C19orf25: variants seen among roughly 807,000 people sequenced by gnomAD.
C19orf25 encodes chromosome 19 open reading frame 25, also known as UPF0449 protein C19orf25.
A neutral mutation model predicts 3.1 loss-of-function variants in C19orf25; 1 was observed. The observed-to-expected ratio is 0.32, with a 90% CI of 0.12 to 1.54. The LOEUF (loss-of-function observed/expected upper bound fraction) is 1.54, where lower values mean the gene tolerates loss of function less well. Ranked by LOEUF, C19orf25 falls within the 40% of genes most tolerant of loss-of-function variation. The pLI is 0.38. For synonymous variants in C19orf25, 91 were observed against 74.3 expected (o/e 1.23, Z -1.16); for missense variants, 196 against 160.4 (o/e 1.22, Z -1.20).
chr19:1,474,561 T>A lies in C19orf25; in HGVS notation c.*471A>T. On this transcript the variant is annotated 3_prime_UTR_variant, in exon 3 of 3. Transcript: ENST00000585675. ...GAGGAGCCCGGGGCCCAGAAGGAAGTGGGGTCAGGGGCTCAGGCTGGCCCT... is the reference window on the plus strand; with the variant it reads ...GAGGAGCCCGGGGCCCAGAAGGAAGAGGGGTCAGGGGCTCAGGCTGGCCCT... 2.6e-6 allele frequency: 1 copy of A among 379,368 alleles called. No individual in the cohort carries two copies. Among genetic ancestry groups the A allele is most frequent in the Non-Finnish European group, 4.7e-6 (1 of 212,366 alleles). 23.5% of individuals were successfully genotyped at this position (379,368 alleles called of 1,614,324 possible). A position where few individuals can be genotyped will look rare whatever the true frequency, so the allele number is the denominator to read the frequency against.
chr19:1,478,819 C>G lies in C19orf25; in HGVS notation c.85G>C (p.Gly29Arg). The G allele has an allele frequency of 6.3e-7, 1 of 1,590,904 alleles. No homozygotes were observed. Among genetic ancestry groups the G allele is most frequent in the South Asian group, 1.1e-5 (1 of 87,262 alleles). The stretch of plus-strand genomic sequence containing the variant: ...AACACTGGATCCTCTGCCGGCGCAC[C>G]CCGCACATCCTCCAGGATCTGCTCC... ...TVEQILEDVR[G>R]APAEDPVFTI... is the part of the protein sequence containing the mutation. Residue 29 changes from glycine (G) to arginine (R), a missense_variant, in exon 2 of 3, where the codon GGT becomes CGT. Physicochemically the swap from Gly to Arg is moderately radical, Grantham distance 125 (BLOSUM62 -2). Coordinates refer to ENST00000585675, the MANE Select transcript of C19orf25 (RefSeq NM_152482.3).
At chr19:1,477,493 A>G (rs1425719128) in intron 2 of C19orf25, among the ~76,000 whole-genome samples, 1 of 152,236 alleles carries the variant, frequency 6.6e-6, no homozygotes, top group Admixed American at 6.5e-5. Context: ...TGCACTGCTG[A>G]ATCCTTTGGT....
intron 2 of C19orf25, 152 bp from the exon 3 acceptor site, chr19:1,475,410 G>C: frequency 1.3e-6 from 1 of 751,108 alleles, no homozygotes; most frequent in Non-Finnish European, 2.1e-6. Flanking sequence ...AGCCAGGTGT[G>C]GTGGCTCACG....
chr19:1,479,186 A>G lies in C19orf25; in HGVS notation c.-26T>C, dbSNP rs2145293812. The G allele has an allele frequency of 2.4e-6, 3 of 1,271,994 alleles. No individual in the cohort carries two copies. Among genetic ancestry groups the G allele is most frequent in the South Asian group, 4.8e-5 (2 of 41,730 alleles). 78.8% of individuals were successfully genotyped at this position (1,271,994 alleles called of 1,614,324 possible). ...ACCTGGGCGCGGGACCCGAAAGCCC[A>G]GCGTCGACGACGCAGCCACTTCCGA... On this transcript the variant is annotated 5_prime_UTR_variant, in exon 1 of 3. Coordinates refer to ENST00000585675, the MANE Select transcript of C19orf25 (RefSeq NM_152482.3).
intron 2 of C19orf25, chr19:1,478,440 G>GT (rs1239257700): frequency 1.9e-6 from 1 of 539,314 alleles, no homozygotes; most frequent in Non-Finnish European, 2.8e-6. Flanking sequence ...TTTTTGTTTT[G>GT]TTTTTTCATT....
In C19orf25 at chr19:1,478,834, G is replaced by A; in HGVS notation, c.70C>T (p.Leu24=). 6.3e-7 allele frequency: 1 copy of A among 1,596,658 alleles called. No homozygotes were observed. Among genetic ancestry groups the A allele is most frequent in the South Asian group, 1.1e-5 (1 of 87,940 alleles). Residue 24 remains leucine, a synonymous_variant, in exon 2 of 3, where the codon CTG becomes TTG. Transcript: ENST00000585675. The part of the protein sequence containing the change: ...RPAPPTVEQI[L]EDVRGAPAED... ...GCCGGCGCACCCCGCACATCCTCCA[G>A]GATCTGCTCCACCGTGGGGGGCGCT... is the stretch of plus-strand genomic sequence containing the variant.
rs549355716 is a variant in C19orf25, at chr19:1,474,974, G to A, written c.*58C>T. 6.5e-7 allele frequency: 1 copy of A among 1,534,840 alleles called. No individual in the cohort carries two copies. Among genetic ancestry groups the A allele is most frequent in the Non-Finnish European group, 8.7e-7 (1 of 1,143,350 alleles). ...CCAGTCTGGGGCCGACGGACCCCCA[G>A]GGAAAGCCTGGGTGCAGGCCACCTT... On this transcript the variant is annotated 3_prime_UTR_variant, in exon 3 of 3. Transcript: ENST00000585675.
At chr19:1,475,279 A>G in intron 2 of C19orf25, 21 bp from the exon 3 acceptor site, 1 of 1,527,622 alleles carries the variant, frequency 6.5e-7, no homozygotes, top group South Asian at 1.2e-5. Flanking sequence ...ACACAGCAGC[A>G]TCACTGCCTG....
At chr19:1,478,523 C>T in intron 2 of C19orf25, 1 of 1,207,050 alleles carries the variant, frequency 8.3e-7, no homozygotes, top group South Asian at 2.3e-5. Context: ...ATCCTCCCGC[C>T]TCATCCTCCG....
At chr19:1,477,686 C>T (rs1317375520) in intron 2 of C19orf25, among the ~76,000 whole-genome samples, 1 of 152,136 alleles carries the variant, frequency 6.6e-6, no homozygotes, top group Non-Finnish European at 1.5e-5. Flanking sequence ...AATTTCATAC[C>T]TCTTTCAGGT....
rs748788700 is a variant in C19orf25 at position 1,475,030 on chromosome 19, G to T, written c.*2C>A. The T allele has an allele frequency of 1.9e-6, 3 of 1,583,102 alleles. No individual in the cohort carries two copies. Among genetic ancestry groups the T allele is most frequent in the Non-Finnish European group, 2.6e-6 (3 of 1,167,746 alleles). ...CTGCCCAAGCCTGCAGGCCCCGAGA[G>T]GTCAGCCTGAGGAGGCAGCCTCGGC... On this transcript the variant is annotated 3_prime_UTR_variant, in exon 3 of 3. Coordinates refer to ENST00000585675, the MANE Select transcript of C19orf25 (RefSeq NM_152482.3).
chr19:1,476,182 G>A (rs977919898), intron 2 of C19orf25: 27 of 398,784 alleles, frequency 6.8e-5, no homozygotes, highest in Non-Finnish European at 1.1e-4. Context: ...GTCACTCAGA[G>A]AAGCGTCAGG....
In C19orf25 at chr19:1,474,806, G is replaced by T; in HGVS notation, c.*226C>A. On this transcript the variant is annotated 3_prime_UTR_variant, in exon 3 of 3. Transcript: ENST00000585675. The stretch of plus-strand genomic sequence containing the variant: ...GTCCCTATCCTCTTCCAGAACCCCA[G>T]TGGGGCCCTCAGGTCACGCAGGACG... 6.9e-7 allele frequency: 1 copy of T among 1,440,844 alleles called. No individual in the cohort carries two copies. Among genetic ancestry groups the T allele is most frequent in the Non-Finnish European group, 9.1e-7 (1 of 1,099,564 alleles). 89.3% of individuals were successfully genotyped at this position (1,440,844 alleles called of 1,614,324 possible). A position where few individuals can be genotyped will look rare whatever the true frequency, so the allele number is the denominator to read the frequency against.
At chr19:1,478,160 A>C (rs986832017) in intron 2 of C19orf25, among the ~76,000 whole-genome samples, 4 of 152,144 alleles carry the variant, frequency 2.6e-5, no homozygotes, top group Non-Finnish European at 5.9e-5. Context: ...TTTGAGACAC[A>C]GTCTGGCTGT....
At chr19:1,476,589 A>G in intron 2 of C19orf25, 1 of 325,498 alleles carries the variant, frequency 3.1e-6, no homozygotes, top group Admixed American at 4.9e-5. Context: ...GCCACCAGCC[A>G]TGTGTGGCTC....
chr19:1,478,748 T>G (rs189124337), intron 2 of C19orf25, 26 bp downstream of exon 2: 1 of 1,548,446 alleles, frequency 6.5e-7, no homozygotes, highest in Non-Finnish European at 8.7e-7. Flanking sequence ...CAGGTCCGCT[T>G]TTCCCCGGGA....
At chr19:1,478,429 GTTTT>G in intron 2 of C19orf25, 3 of 504,710 alleles carry the variant, frequency 5.9e-6, no homozygotes, top group Non-Finnish European at 6.2e-6. Flanking sequence ...TTTTGTTTTT[GTTTT>G]TGTTTTGTTT....
intron 2 of C19orf25, chr19:1,478,504 G>A: frequency 1.9e-6 from 2 of 1,051,090 alleles, no homozygotes; most frequent in South Asian, 2.7e-5. Context: ...GAACTCCTGG[G>A]CTCAAGCGAT....
intron 2 of C19orf25, 94 bp downstream of exon 2, chr19:1,478,680 G>A (rs939757535): frequency 7.3e-6 from 11 of 1,516,498 alleles, no homozygotes; most frequent in African/African-American, 4.2e-5. Flanking sequence ...GGGTTCCCAG[G>A]GCGTGGGGTC....
Sources: gnomAD v4.1 joint callset for allele counts (sites outside exome capture counted in the v4.1 genomes callset) on GRCh38, gnomAD v4.1.1 for gene constraint, MANE v1.5 for transcripts, NCBI Gene and HGNC (gene_info 2026-07-23, HGNC 2026-07-21) for gene names.